COL6A2: variants seen among roughly 807,000 people sequenced by gnomAD.
The protein encoded by COL6A2 is collagen type VI alpha 2 chain.
In COL6A2, 90 loss-of-function variants were observed where a neutral mutation model predicts 124.9. That is an observed-to-expected ratio of 0.72 (90% CI 0.61 to 0.86). The LOEUF (loss-of-function observed/expected upper bound fraction) is 0.86. COL6A2 is among the 40% of genes least tolerant of loss of function. The probability of loss-of-function intolerance (pLI) is 0.00; values close to 1 mark genes in which losing one functional copy is unlikely to be tolerated. For missense variants in COL6A2, 1,607 were observed against 1,502.5 expected, an observed-to-expected ratio of 1.07 and a Z score of -1.15; for synonymous variants, 793 against 618.2, an observed-to-expected ratio of 1.28 and a Z score of -4.19.
intron 12 of COL6A2, 66 bp downstream of exon 12, chr21:46,118,002 GC>G: frequency 6.7e-7 from 1 of 1,495,318 alleles, no homozygotes; most frequent in Non-Finnish European, 9.2e-7. Flanking sequence ...CCTGGAGGCA[GC>G]CCCAGCTGAG....
intron 27 of COL6A2, chr21:46,128,771 C>T (rs185796469): frequency 5.8e-5 from 47 of 807,846 alleles, no homozygotes; most frequent in African/African-American, 5.5e-4. Context: ...GACTCACATC[C>T]CAGAGAGGCT....
intron 5 of COL6A2, among the ~76,000 whole-genome samples, chr21:46,115,368 A>G (rs1399046674): frequency 6.6e-6 from 1 of 152,226 alleles, no homozygotes; most frequent in Non-Finnish European, 1.5e-5. Context: ...TTAAATTGGG[A>G]GCATATCAAT....
intron 27 of COL6A2, chr21:46,129,175 T>G (rs947133949): frequency 1.2e-6 from 2 of 1,612,720 alleles, no homozygotes; most frequent in Admixed American, 1.7e-5. Flanking sequence ...CTTACAGTCT[T>G]CTCTGGACGC....
At chr21:46,108,855 G>A (rs2123605595) in intron 1 of COL6A2, among the ~76,000 whole-genome samples, 1 of 152,294 alleles carries the variant, frequency 6.6e-6, no homozygotes, top group Middle Eastern at 3.4e-3. Context: ...ATGGCCAGTG[G>A]CGCCTTTGCC....
chr21:46,119,423 T>C (rs1183765368), intron 14 of COL6A2, among the ~76,000 whole-genome samples: 1 of 152,142 alleles, frequency 6.6e-6, no homozygotes, highest in Non-Finnish European at 1.5e-5. Flanking sequence ...AAGGGGACTC[T>C]GTCTGAGCAT....
intron 27 of COL6A2, among the ~76,000 whole-genome samples, chr21:46,126,764 C>T (rs960353253): frequency 6.6e-6 from 1 of 152,176 alleles, no homozygotes; most frequent in Non-Finnish European, 1.5e-5. Context: ...CATCACGAGG[C>T]CATGAGGTGG....
intron 26 of COL6A2, 101 bp from the exon 27 acceptor site, chr21:46,126,402 C>A: frequency 6.4e-7 from 1 of 1,553,830 alleles, no homozygotes; most frequent in Non-Finnish European, 8.9e-7. Context: ...AGGGCAGAGG[C>A]CAGCTGCACC....
chr21:46,125,869 C>T lies in COL6A2; in HGVS notation c.2054C>T (p.Ser685Leu), dbSNP rs564873527. Residue 685 changes from serine (S) to leucine (L), a missense_variant, in exon 26 of 28, where the codon TCG (serine) becomes TTG (leucine). Ser to Leu is a moderately radical substitution (Grantham distance 145). Coordinates refer to ENST00000300527, the MANE Select transcript of COL6A2 (RefSeq NM_001849.4). ...GACGACGAACGTATCGACTCCCTGT[C>T]GAGCTTCAAGGAGGCTGTCAAGAAC... ...QLDDERIDSL[S>L]SFKEAVKNLE... 8.7e-6 allele frequency: 14 copies of T among 1,613,088 alleles called. No homozygotes were observed. The highest frequency in any genetic ancestry group is 1.3e-5 in the African/African-American group (1 of 75,000).
At position 46,131,970 on chromosome 21, in the gene COL6A2, G is replaced by A; in HGVS notation, c.2478G>A (p.Gln826=). 1 of 1,606,456 alleles carries A rather than the reference G, an allele frequency of 6.2e-7. No individual in the cohort carries two copies. Among genetic ancestry groups the A allele is most frequent in the Non-Finnish European group, 8.5e-7 (1 of 1,178,062 alleles). ...LPCQTELSVA[Q]CTQRPVDIVF... is the part of the protein sequence containing the mutation. ...TCCCCACAGAGCTGTCCGTGGCACA[G>A]TGCACGCAGCGGCCCGTGGACATCG... The change falls in exon 28 of 28, where the codon CAG becomes CAA. Residue 826 remains glutamine, a synonymous_variant. Transcript: ENST00000300527.
At chr21:46,122,232 A>C in intron 19 of COL6A2, 74 bp downstream of exon 19, 1 of 1,508,218 alleles carries the variant, frequency 6.6e-7, no homozygotes, top group Non-Finnish European at 9.1e-7. Flanking sequence ...GATTCCTAGT[A>C]GTTCCCTCAA....
rs766615151 is a variant in COL6A2, at chr21:46,115,982, C to T, written c.856-27C>T. On this transcript the variant is annotated intron_variant, in intron 6 of 27. Coordinates refer to ENST00000300527, the MANE Select transcript of COL6A2 (RefSeq NM_001849.4). ...TGCAGCCCAGCGCCCCAGGGCTGGG[C>T]TCACACTGCTGCGTTGTCCTTCACA... The T allele has an allele frequency of 7.6e-5, 123 of 1,611,920 alleles. 3 individuals are homozygous for T. The South Asian group carries it at 1.3e-3, about 17-fold the overall frequency.
intron 26 of COL6A2, 45 bp downstream of exon 26, chr21:46,126,282 C>A (rs1418540238): frequency 6.3e-7 from 1 of 1,587,004 alleles, no homozygotes; most frequent in Admixed American, 1.7e-5. Context: ...GCAGCAGGCC[C>A]CAGCCGCTGT....
intron 21 of COL6A2, 104 bp from the exon 22 acceptor site, chr21:46,124,547 C>A: frequency 9.8e-7 from 1 of 1,025,422 alleles, no homozygotes; most frequent in Non-Finnish European, 1.5e-6. Context: ...GCCCCCCCCC[C>A]CGCCAAGGGA....
In COL6A2 at chr21:46,122,920, GGAGA is replaced by G; in HGVS notation, c.1657_1660del (p.Glu553LysfsTer42). On this transcript the variant is annotated frameshift_variant, in exon 21 of 28. Coordinates refer to ENST00000300527, the MANE Select transcript of COL6A2 (RefSeq NM_001849.4). LOFTEE classifies it high-confidence loss of function. The stretch of plus-strand genomic sequence containing the variant: ...CTTGAAAGGAGAACCTGGGAGGAAA[GGAGA>G]GAAAGGAGAGCCTGTGAGTGTCACC... The G allele has an allele frequency of 6.2e-7, 1 of 1,613,222 alleles. No individual in the cohort carries two copies. The highest frequency in any genetic ancestry group is 1.1e-5 in the South Asian group (1 of 91,088).
chr21:46,107,130 T>C (rs1251674304), intron 1 of COL6A2, among the ~76,000 whole-genome samples: 1 of 152,222 alleles, frequency 6.6e-6, no homozygotes, highest in African/African-American at 2.4e-5. Flanking sequence ...CTTGGGTTTA[T>C]GTTGTTTTTC....
chr21:46,102,474 T>G (rs1427575046), intron 1 of COL6A2, among the ~76,000 whole-genome samples: 1 of 152,208 alleles, frequency 6.6e-6, no homozygotes, highest in Non-Finnish European at 1.5e-5. Flanking sequence ...ATTTCTGACC[T>G]TAGAGGAAAA....
At chr21:46,129,422 C>T (rs1356025797) in intron 27 of COL6A2, 7 of 1,611,972 alleles carry the variant, frequency 4.3e-6, no homozygotes, top group Middle Eastern at 1.6e-4. Context: ...TGGAGCTGTT[C>T]ATTGACACCT....
Position 46,117,950 on chromosome 21 carries a change from T to A in COL6A2, c.1116+14T>A. 1.2e-6 allele frequency: 2 copies of A among 1,610,940 alleles called. No homozygotes were observed. The highest frequency in any genetic ancestry group is 1.7e-6 in the Non-Finnish European group (2 of 1,178,828). ...CAAGGCGGCAAGGTAAGTGGCCTTG[T>A]CAGGGTACGGGGCAGGCGGGGTCAC... is the stretch of plus-strand genomic sequence containing the variant. On this transcript the variant is annotated intron_variant, in intron 12 of 27. Coordinates refer to ENST00000300527, the MANE Select transcript of COL6A2 (RefSeq NM_001849.4).
At chr21:46,114,361 G>C (rs952722145) in intron 5 of COL6A2, among the ~76,000 whole-genome samples, 1 of 151,218 alleles carries the variant, frequency 6.6e-6, no homozygotes, top group African/African-American at 2.4e-5. Flanking sequence ...GGAAGCGGAG[G>C]TTGCAGTGAG....
Sources: gnomAD v4.1 joint callset for allele counts (sites outside exome capture counted in the v4.1 genomes callset) on GRCh38, gnomAD v4.1.1 for gene constraint, MANE v1.5 for transcripts, NCBI Gene and HGNC (gene_info 2026-07-23, HGNC 2026-07-21) for gene names.